DENND5B: variants seen among roughly 807,000 people sequenced by gnomAD.
The protein encoded by DENND5B is DENN domain containing 5B, also known as DENN domain-containing protein 5B.
In DENND5B, 34 loss-of-function variants were observed where a neutral mutation model predicts 140.6. That is an observed-to-expected ratio of 0.24 (90% confidence interval 0.18 to 0.32). The LOEUF is 0.32. Among genes scored for constraint, DENND5B ranks in the 10% least tolerant of loss-of-function variants. The pLI, the probability that DENND5B is intolerant of heterozygous loss-of-function variation, is 1.00. For synonymous variants in DENND5B, 551 were observed against 562.1 expected, an observed-to-expected ratio of 0.98 and a Z score of 0.28; for missense variants, 1,142 against 1,560.2, an observed-to-expected ratio of 0.73 and a Z score of 4.52.
chr12:31,392,937 C>T (rs188708305), intron 17 of DENND5B, among the ~76,000 whole-genome samples: 230 of 152,332 alleles, frequency 1.5e-3, no homozygotes, highest in African/African-American at 4.9e-3. Context: ...CAATCTATAA[C>T]CCTAGCCTAG....
intron 6 of DENND5B, among the ~76,000 whole-genome samples, chr12:31,446,888 A>G (rs1422308136): frequency 3.4e-5 from 5 of 148,140 alleles, no homozygotes; most frequent in South Asian, 2.1e-4. Flanking sequence ...CTCCGCCTCA[A>G]AAAAAAAAAA....
At chr12:31,530,923 G>C (rs1948257592) in intron 1 of DENND5B, among the ~76,000 whole-genome samples, 1 of 152,056 alleles carries the variant, frequency 6.6e-6, no homozygotes, top group Non-Finnish European at 1.5e-5. Context: ...TTTTACTCTA[G>C]GGATCTCAAA....
intron 7 of DENND5B, among the ~76,000 whole-genome samples, chr12:31,437,146 CTT>C (rs56299943): frequency 0.73 from 105,648 of 144,806 alleles, 40,200 homozygotes; most frequent in Non-Finnish European, 0.84. Flanking sequence ...CTGCCCCCCC[CTT>C]TTTTTTTTTT....
In DENND5B at chr12:31,566,393, ATTG is replaced by A. The variant is rs552310801; in HGVS notation, c.127+24310_127+24312del. On this transcript the variant is annotated intron_variant, in intron 1 of 20. Coordinates refer to ENST00000389082, the MANE Select transcript of DENND5B (RefSeq NM_144973.4). ...GTGTAATTCAAGCAATACTTTTATTATTGTTATTAAATTAAGAGATTAAAAGGC... is the reference window on the plus strand; with the variant it reads ...GTGTAATTCAAGCAATACTTTTATTATTATTAAATTAAGAGATTAAAAGGC... 2.4e-3 allele frequency among the ~76,000 whole-genome samples: 367 copies of A among 150,302 alleles called. 1 individual carries two copies. Among genetic ancestry groups the A allele is most frequent in the African/African-American group, 8.6e-3 (353 of 40,842 alleles).
At chr12:31,403,604 AGAAAG>A (rs776162221) in intron 14 of DENND5B, among the ~76,000 whole-genome samples, 1 of 140,224 alleles carries the variant, frequency 7.1e-6, no homozygotes, top group Non-Finnish European at 1.5e-5. Context: ...GAAAAAAAAA[AGAAAG>A]AAAAAAGAAA....
At chr12:31,552,588 A>G (rs929452312) in intron 1 of DENND5B, among the ~76,000 whole-genome samples, 3 of 152,220 alleles carry the variant, frequency 2.0e-5, no homozygotes, top group Non-Finnish European at 4.4e-5. Context: ...AAAAAGAGTT[A>G]GGGAGGATAC....
intron 9 of DENND5B, among the ~76,000 whole-genome samples, chr12:31,425,416 T>C (rs1313493404): frequency 6.6e-6 from 1 of 152,250 alleles, no homozygotes; most frequent in Non-Finnish European, 1.5e-5. Flanking sequence ...CATCTTAGCA[T>C]ACTAAAGATT....
At chr12:31,424,869 T>C (rs1369359069) in intron 9 of DENND5B, among the ~76,000 whole-genome samples, 182 bp from the exon 10 acceptor site, 2 of 152,204 alleles carry the variant, frequency 1.3e-5, no homozygotes, top group East Asian at 1.9e-4. Context: ...ATAATTTATA[T>C]GTCACTATTT....
intron 2 of DENND5B, among the ~76,000 whole-genome samples, chr12:31,485,736 C>CCT (rs55748263): frequency 0.084 from 12,465 of 148,882 alleles, 1,086 homozygotes; most frequent in African/African-American, 0.23. Context: ...GCTTCCATCT[C>CCT]CTCTCTCTCT....
intron 1 of DENND5B, among the ~76,000 whole-genome samples, chr12:31,586,673 C>T (rs533522317): frequency 2.0e-5 from 3 of 152,174 alleles, no homozygotes; most frequent in Non-Finnish European, 4.4e-5. Context: ...CTGTTGTTGT[C>T]TTTGATTTCA....
intron 14 of DENND5B, among the ~76,000 whole-genome samples, chr12:31,404,805 G>A (rs1593074879): frequency 7.8e-6 from 1 of 128,264 alleles, no homozygotes; most frequent in East Asian, 2.4e-4. Flanking sequence ...TGTGGCCCAG[G>A]CTGGAGTGCA....
intron 7 of DENND5B, among the ~76,000 whole-genome samples, chr12:31,435,082 CCTT>C (rs972498890): frequency 8.5e-5 from 13 of 152,280 alleles, no homozygotes; most frequent in Non-Finnish European, 1.6e-4. Flanking sequence ...CTACTTCCCT[CCTT>C]ACCTGCCCAC....
intron 13 of DENND5B, 26 bp downstream of exon 13, chr12:31,413,410 G>C (rs1433779325): frequency 6.2e-7 from 1 of 1,601,430 alleles, no homozygotes; most frequent in Non-Finnish European, 8.5e-7. Flanking sequence ...TATAGAAACA[G>C]AAATGTATCA....
intron 19 of DENND5B, 109 bp from the exon 20 acceptor site, chr12:31,389,607 C>T: frequency 9.1e-7 from 1 of 1,096,720 alleles, no homozygotes; most frequent in Non-Finnish European, 1.3e-6. Flanking sequence ...TGCATACAGT[C>T]AGTCCTGAAG....
At chr12:31,490,486 C>T (rs1309074495) in intron 2 of DENND5B, among the ~76,000 whole-genome samples, 3 of 151,814 alleles carry the variant, frequency 2.0e-5, no homozygotes, top group Admixed American at 1.3e-4. Context: ...GTGGTGCACA[C>T]CTGTAGTCTC....
intron 7 of DENND5B, among the ~76,000 whole-genome samples, chr12:31,437,938 G>A (rs957530887): frequency 2.0e-5 from 3 of 152,150 alleles, no homozygotes; most frequent in African/African-American, 4.8e-5. Flanking sequence ...ATGGTGATGC[G>A]ATTCTGAGTG....
chr12:31,519,835 T>C (rs1188447967), intron 1 of DENND5B, among the ~76,000 whole-genome samples: 1 of 152,228 alleles, frequency 6.6e-6, no homozygotes, highest in Non-Finnish European at 1.5e-5. Flanking sequence ...TTTTAAAGTA[T>C]ACAATTCAGT....
chr12:31,413,856 AT>A (rs1368963040), intron 12 of DENND5B, among the ~76,000 whole-genome samples: 1 of 152,198 alleles, frequency 6.6e-6, no homozygotes, highest in Non-Finnish European at 1.5e-5. Context: ...ACTCATAGAT[AT>A]CTGTAAATAA....
chr12:31,480,555 T>C lies in DENND5B; in HGVS notation c.238-300A>G, dbSNP rs1253876412. ...TCCCAGAGTAAACCTCTAACCAAGC[T>C]TGTGGCCTTTAGCAAGCCATATAAC... On this transcript the variant is annotated intron_variant, in intron 2 of 20. Coordinates refer to ENST00000389082, the MANE Select transcript of DENND5B (RefSeq NM_144973.4). Among the ~76,000 whole-genome samples, 21 of 152,204 alleles carry C rather than the reference T, an allele frequency of 1.4e-4. 1 individual carries two copies. Among genetic ancestry groups the C allele is most frequent in the Admixed American group, 1.4e-3 (21 of 15,278 alleles).
Sources: allele counts gnomAD v4.1 joint callset (sites outside exome capture counted in the v4.1 genomes callset), GRCh38; gene constraint gnomAD v4.1.1; transcripts MANE v1.5; gene names NCBI Gene and HGNC (gene_info 2026-07-23, HGNC 2026-07-21).